The following PLCE1 variants were observed in gnomAD, a reference collection of about 807,000 sequenced individuals.
PLCE1 encodes the protein phospholipase C epsilon 1.
Under a neutral mutation model 242.8 loss-of-function variants are expected in PLCE1, and 119 were observed. That is an observed-to-expected ratio of 0.49 (90% CI 0.42 to 0.57). The LOEUF (loss-of-function observed/expected upper bound fraction) is 0.57, where lower values mean the gene tolerates loss of function less well. PLCE1 is among the 20% of genes least tolerant of loss of function. PLCE1 has a pLI of 0.00. For missense variants in PLCE1, 2,441 were observed against 2,788.8 expected (o/e 0.88, Z 2.81); for synonymous variants, 945 against 1,017.4 (o/e 0.93, Z 1.35).
At position 94,294,061 on chromosome 10, in the gene PLCE1, C is replaced by T. The variant is rs540400700; in HGVS notation, c.5167+422C>T. ...GGCAGAGGTTGTGGTGAGCTGAGAT[C>T]GCACCACTGTACCCCAGCCTGGGTG... On this transcript the variant is annotated intron_variant, in intron 23 of 32. Transcript: ENST00000371380. 6.6e-5 allele frequency among the ~76,000 whole-genome samples: 10 copies of T among 152,204 alleles called. 1 individual carries two copies. Among genetic ancestry groups the T allele is most frequent in the African/African-American group, 2.2e-4 (9 of 41,524 alleles).
chr10:94,098,878 G>A (rs867748279), intron 2 of PLCE1, among the ~76,000 whole-genome samples: 5 of 152,124 alleles, frequency 3.3e-5, no homozygotes, highest in Admixed American at 6.6e-5. Flanking sequence ...GATACTCCTC[G>A]TGGTTCTAGG....
At chr10:94,132,548 T>A in intron 3 of PLCE1, 89 bp downstream of exon 3, 1 of 1,304,216 alleles carries the variant, frequency 7.7e-7, no homozygotes, top group Non-Finnish European at 1.1e-6. Flanking sequence ...GATGGAAAAT[T>A]AAGTTCACTT....
intron 4 of PLCE1, among the ~76,000 whole-genome samples, chr10:94,221,702 T>A (rs2049752529): frequency 6.6e-6 from 1 of 151,966 alleles, no homozygotes; most frequent in South Asian, 2.1e-4. Context: ...GCCATTGCAC[T>A]CCAGCTGGGC....
At chr10:94,023,361 G>A (rs1468911617) in intron 1 of PLCE1, among the ~76,000 whole-genome samples, 3 of 152,188 alleles carry the variant, frequency 2.0e-5, no homozygotes, top group East Asian at 3.8e-4. Flanking sequence ...AAAATCTTGT[G>A]TTGCCCACTT....
chr10:94,104,131 G>A (rs572002872), intron 2 of PLCE1: 1 of 152,188 alleles, frequency 6.6e-6, no homozygotes, highest in Non-Finnish European at 1.5e-5. Flanking sequence ...TCAGCTGCGT[G>A]GTGTTGCCTA....
At chr10:94,182,048 A>G (rs1330533203) in intron 4 of PLCE1, among the ~76,000 whole-genome samples, 26 of 127,514 alleles carry the variant, frequency 2.0e-4, no homozygotes, top group Non-Finnish European at 9.3e-5. Context: ...ACAAAGCTGT[A>G]TCCCAAAGCA....
intron 2 of PLCE1, among the ~76,000 whole-genome samples, chr10:94,110,058 C>CTTTTTTTTTTTTTTTTTTTTTTTTT (rs33974566): frequency 1.3e-4 from 10 of 75,886 alleles, no homozygotes; most frequent in South Asian, 6.2e-4. Context: ...TTTCTTTTTT[C>CTTTTTTTTTTTTTTTTTTTTTTTTT]TTTTTTTTTT....
chr10:94,260,766 C>A (rs1167393670), intron 13 of PLCE1, among the ~76,000 whole-genome samples: 3 of 152,048 alleles, frequency 2.0e-5, no homozygotes, highest in African/African-American at 7.2e-5. Flanking sequence ...TAGCCTCAAG[C>A]AATCCTCCTG....
chr10:94,142,462 T>G (rs890218484), intron 3 of PLCE1, among the ~76,000 whole-genome samples: 15 of 151,942 alleles, frequency 9.9e-5, no homozygotes, highest in Admixed American at 4.6e-4. Context: ...GAAGCTGCAG[T>G]GCGCTATGAT....
chr10:94,227,079 G>A (rs767356304), intron 4 of PLCE1: 9 of 462,870 alleles, frequency 1.9e-5, no homozygotes, highest in South Asian at 4.2e-5. Flanking sequence ...CTTTCACCAC[G>A]CTGGCCAGGC....
intron 1 of PLCE1, among the ~76,000 whole-genome samples, chr10:94,012,489 TC>T (rs2061188923): frequency 6.6e-6 from 1 of 151,802 alleles, no homozygotes; most frequent in Admixed American, 6.6e-5. Context: ...GGGAAGGAAT[TC>T]CCAGCCTCAC....
At chr10:94,190,640 C>T (rs1420354271) in intron 4 of PLCE1, among the ~76,000 whole-genome samples, 1 of 152,196 alleles carries the variant, frequency 6.6e-6, no homozygotes, top group African/African-American at 2.4e-5. Context: ...ATAATGAATC[C>T]TTAGCTCAGG....
chr10:94,273,786 T>C (rs1190429802), intron 19 of PLCE1, 66 bp downstream of exon 19: 1 of 1,398,752 alleles, frequency 7.1e-7, no homozygotes, highest in Non-Finnish European at 1.0e-6. Flanking sequence ...AATAACATCA[T>C]TCTAACCTTT....
At chr10:94,157,014 G>A (rs886156359) in intron 3 of PLCE1, among the ~76,000 whole-genome samples, 1 of 152,038 alleles carries the variant, frequency 6.6e-6, no homozygotes, top group Admixed American at 6.6e-5. Context: ...GTTTTTTGGG[G>A]GGCGAGGTCT....
At chr10:94,073,712 A>G (rs1217827503) in intron 2 of PLCE1, among the ~76,000 whole-genome samples, 1 of 152,130 alleles carries the variant, frequency 6.6e-6, no homozygotes, top group Non-Finnish European at 1.5e-5. Context: ...CTTGTTTTTC[A>G]TGAATTTGTT....
intron 2 of PLCE1, among the ~76,000 whole-genome samples, chr10:94,084,533 T>A (rs1211339022): frequency 1.3e-5 from 2 of 152,166 alleles, no homozygotes; most frequent in African/African-American, 4.8e-5. Context: ...CCATAAACGC[T>A]TGTCTTGAGC....
chr10:94,126,031 G>A (rs913910867), intron 2 of PLCE1, among the ~76,000 whole-genome samples: 2 of 151,974 alleles, frequency 1.3e-5, no homozygotes, highest in African/African-American at 2.4e-5. Context: ...CTTTTGTTTT[G>A]GGCCTAAACT....
At chr10:94,166,578 AGGTG>A (rs2047810025) in intron 3 of PLCE1, among the ~76,000 whole-genome samples, 3 of 72,220 alleles carry the variant, frequency 4.2e-5, no homozygotes, top group African/African-American at 1.9e-4. Context: ...AAGAGAAAAA[AGGTG>A]TGTGTGTGTG....
chr10:94,122,029 C>T (rs920824981), intron 2 of PLCE1, among the ~76,000 whole-genome samples: 3 of 152,160 alleles, frequency 2.0e-5, no homozygotes, highest in African/African-American at 7.2e-5. Context: ...AAAGCCTGGT[C>T]TTATAGGTTG....
Sources: gnomAD v4.1 joint callset for allele counts (sites outside exome capture counted in the v4.1 genomes callset) on GRCh38, gnomAD v4.1.1 for gene constraint, MANE v1.5 for transcripts, NCBI Gene and HGNC (gene_info 2026-07-23, HGNC 2026-07-21) for gene names.